The following CSNK1G3 variants were observed in gnomAD, a reference collection of about 807,000 sequenced individuals.
The protein encoded by CSNK1G3 is casein kinase 1 gamma 3.
CSNK1G3 carries 23 observed loss-of-function variants against 64.3 expected under a neutral mutation model. That is an observed-to-expected ratio of 0.36 (90% CI 0.26 to 0.51). CSNK1G3 has a LOEUF of 0.51. CSNK1G3 is among the 20% of genes least tolerant of loss of function. CSNK1G3 has a pLI of 0.96. For synonymous variants in CSNK1G3, 158 were observed against 162.2 expected, an observed-to-expected ratio of 0.97 and a Z score of 0.20; for missense variants, 357 against 510.5, an observed-to-expected ratio of 0.70 and a Z score of 2.90.
At chr5:123,554,595 G>A (rs1037020884) in intron 3 of CSNK1G3, among the ~76,000 whole-genome samples, 1 of 152,200 alleles carries the variant, frequency 6.6e-6, no homozygotes, top group Non-Finnish European at 1.5e-5. Context: ...CCAAAGTGCT[G>A]GGATTACAGG....
At chr5:123,517,760 T>C (rs908236409) in intron 1 of CSNK1G3, among the ~76,000 whole-genome samples, 2 of 152,166 alleles carry the variant, frequency 1.3e-5, no homozygotes, top group African/African-American at 4.8e-5. Flanking sequence ...ATTTTTGTTT[T>C]AGTTGTAATA....
At chr5:123,584,854 A>C (rs1394134573) in intron 6 of CSNK1G3, among the ~76,000 whole-genome samples, 1 of 152,180 alleles carries the variant, frequency 6.6e-6, no homozygotes, top group Non-Finnish European at 1.5e-5. Context: ...TTTAATTTAC[A>C]TGTAAGTTGT....
intron 1 of CSNK1G3, among the ~76,000 whole-genome samples, chr5:123,540,918 C>CA (rs1781578702): frequency 6.6e-6 from 1 of 152,218 alleles, no homozygotes; most frequent in African/African-American, 2.4e-5. Flanking sequence ...CATGAGCCAA[C>CA]AAGTCTGGCG....
Position 123,597,155 on chromosome 5 carries a change from AAG to A in CSNK1G3, c.1086+5745_1086+5746del, listed in dbSNP as rs774159138. Among the ~76,000 whole-genome samples, 187 of 152,268 alleles carry A rather than the reference AAG, an allele frequency of 1.2e-3. 2 individuals are homozygous for A. Among genetic ancestry groups the A allele is most frequent in the Non-Finnish European group, 2.3e-3 (154 of 67,988 alleles). On this transcript the variant is annotated intron_variant, in intron 10 of 12. Transcript: ENST00000345990. ...CATTGTTTGATAAAGGGAGGAGAGA[AAG>A]AGAAAAAAACTTTTCAGTAATACAA...
chr5:123,554,767 G>A (rs1235271499), intron 3 of CSNK1G3, among the ~76,000 whole-genome samples: 1 of 152,234 alleles, frequency 6.6e-6, no homozygotes, highest in East Asian at 1.9e-4. Context: ...TACAGTCTGT[G>A]CTATTGATAC....
chr5:123,554,197 AG>A (rs372468349), intron 3 of CSNK1G3, among the ~76,000 whole-genome samples: 10 of 152,354 alleles, frequency 6.6e-5, no homozygotes, highest in African/African-American at 2.4e-4. Flanking sequence ...GTAGGGTTGC[AG>A]TGCCATGAAG....
intron 1 of CSNK1G3, among the ~76,000 whole-genome samples, chr5:123,536,109 A>C (rs896226345): frequency 6.6e-6 from 1 of 152,138 alleles, no homozygotes; most frequent in East Asian, 1.9e-4. Context: ...CTTATGTAAA[A>C]TGAACCAATC....
chr5:123,542,610 C>T (rs1005932252), intron 1 of CSNK1G3, among the ~76,000 whole-genome samples: 6 of 152,082 alleles, frequency 3.9e-5, no homozygotes, highest in Non-Finnish European at 8.8e-5. Flanking sequence ...AATAATATTA[C>T]TGGATGTAGA....
intron 10 of CSNK1G3, among the ~76,000 whole-genome samples, chr5:123,594,584 C>T (rs1793069189): frequency 1.3e-5 from 2 of 152,074 alleles, no homozygotes; most frequent in Non-Finnish European, 2.9e-5. Context: ...ATCTCAGGTA[C>T]AGTTATTTAA....
chr5:123,614,411 A>G (rs768014006), exon 13 of CSNK1G3: 4 of 1,609,420 alleles, frequency 2.5e-6, no homozygotes, highest in Non-Finnish European at 3.4e-6. Flanking sequence ...GGACACAGAC[A>G]GATCCTGGGG....
intron 1 of CSNK1G3, among the ~76,000 whole-genome samples, chr5:123,545,004 G>A (rs1309160146): frequency 6.6e-6 from 1 of 151,708 alleles, no homozygotes; most frequent in African/African-American, 2.4e-5. Context: ...ATGAACATGG[G>A]GAATATATTT....
At chr5:123,576,091 T>A in intron 6 of CSNK1G3, 128 bp downstream of exon 6, 1 of 589,164 alleles carries the variant, frequency 1.7e-6, no homozygotes, top group East Asian at 2.9e-5. Context: ...ATTTATCACA[T>A]CTACCTAGAG....
At chr5:123,553,187 G>A in intron 3 of CSNK1G3, 40 bp downstream of exon 3, 6 of 1,092,176 alleles carry the variant, frequency 5.5e-6, no homozygotes, top group Non-Finnish European at 7.8e-6. Context: ...TGATTTCTTT[G>A]TTACTTTTTA....
intron 10 of CSNK1G3, among the ~76,000 whole-genome samples, chr5:123,592,587 C>T (rs1412800642): frequency 6.6e-6 from 1 of 151,586 alleles, no homozygotes; most frequent in Non-Finnish European, 1.5e-5. Flanking sequence ...GATAGTATGC[C>T]GTCCTTTTTG....
intron 10 of CSNK1G3, among the ~76,000 whole-genome samples, chr5:123,594,624 G>A (rs1793075384): frequency 1.3e-5 from 2 of 152,100 alleles, no homozygotes; most frequent in South Asian, 4.1e-4. Flanking sequence ...GCTAAAAATA[G>A]CTCCTCATCA....
intron 1 of CSNK1G3, among the ~76,000 whole-genome samples, chr5:123,542,484 A>G (rs1303114651): frequency 6.6e-6 from 1 of 152,012 alleles, no homozygotes; most frequent in Non-Finnish European, 1.5e-5. Context: ...ATATTATGTG[A>G]TTTACTTCAG....
intron 12 of CSNK1G3, among the ~76,000 whole-genome samples, chr5:123,610,346 A>T (rs1192296774): frequency 6.6e-6 from 1 of 152,192 alleles, no homozygotes; most frequent in Non-Finnish European, 1.5e-5. Context: ...AACCCAGGTC[A>T]GGAGAAACTA....
intron 1 of CSNK1G3, among the ~76,000 whole-genome samples, chr5:123,532,777 C>T (rs745428483): frequency 5.3e-5 from 8 of 151,752 alleles, no homozygotes; most frequent in African/African-American, 9.7e-5. Flanking sequence ...GCAAGTTACT[C>T]GTTTGTTGAT....
intron 10 of CSNK1G3, among the ~76,000 whole-genome samples, chr5:123,599,710 C>A (rs1018978115): frequency 6.6e-6 from 1 of 152,010 alleles, no homozygotes; most frequent in Non-Finnish European, 1.5e-5. Flanking sequence ...TCTTTCTATT[C>A]ATAGTTTTCT....
Sources: allele counts gnomAD v4.1 joint callset (sites outside exome capture counted in the v4.1 genomes callset), GRCh38; gene constraint gnomAD v4.1.1; transcripts MANE v1.5; gene names NCBI Gene and HGNC (gene_info 2026-07-23, HGNC 2026-07-21).